Variants in NLRC5 observed in about 807,000 individuals in gnomAD.
NLRC5 encodes the protein NLR family CARD domain containing 5.
NLRC5 carries 114 observed loss-of-function variants against 206.9 expected under a neutral mutation model. That is an observed-to-expected ratio of 0.55 (90% CI 0.47 to 0.64). The LOEUF (loss-of-function observed/expected upper bound fraction) is 0.64. Ranked by LOEUF, NLRC5 falls within the 30% of genes least tolerant of loss-of-function variation. NLRC5 has a pLI of 0.00. For missense variants in NLRC5, 2,008 were observed against 2,305.5 expected, an observed-to-expected ratio of 0.87 and a Z score of 2.64; for synonymous variants, 952 against 962.8, an observed-to-expected ratio of 0.99 and a Z score of 0.21.
At chr16:57,069,025 T>C (rs2067355230) in intron 36 of NLRC5, among the ~76,000 whole-genome samples, 1 of 152,250 alleles carries the variant, frequency 6.6e-6, no homozygotes, top group Non-Finnish European at 1.5e-5. Flanking sequence ...ACATGATGTG[T>C]CAGAGTCCTC....
Position 57,079,554 on chromosome 16 carries a change from C to T in NLRC5, c.5246C>T (p.Ser1749Phe), listed in dbSNP as rs2068870830. The change falls in exon 46 of 49, where the codon TCC (serine) becomes TTC (phenylalanine). Residue 1749 changes from serine to phenylalanine, a missense_variant. Coordinates refer to ENST00000688547, the MANE Select transcript of NLRC5 (RefSeq NM_001384950.1). ...CCCTTCTCCATCCCCAGCCTGGTTT[C>T]CTGTAAGATTGACAACCAGACTGCC... ...LPLLRQIDLVSCKIDNQTAKL... is the reference protein window; with the variant it reads ...LPLLRQIDLVFCKIDNQTAKL... 1 of 1,613,930 alleles carries T rather than the reference C, an allele frequency of 6.2e-7. No homozygotes were observed. Among genetic ancestry groups the T allele is most frequent in the Non-Finnish European group, 8.5e-7 (1 of 1,179,948 alleles).
chr16:57,082,327 T>C, intron 48 of NLRC5, 90 bp from the exon 49 acceptor site: 1 of 1,020,704 alleles, frequency 9.8e-7, no homozygotes, highest in African/African-American at 1.6e-5. Context: ...GGCACAGCTC[T>C]ACCTTTTTGG....
At chr16:57,001,641 A>T (rs2058271498) in intron 1 of NLRC5, among the ~76,000 whole-genome samples, 1 of 152,072 alleles carries the variant, frequency 6.6e-6, no homozygotes, top group Non-Finnish European at 1.5e-5. Context: ...TAGTAGGTGT[A>T]TATATTTATG....
rs1405385754 is a variant in NLRC5 at position 57,026,057 on chromosome 16, G to A, written c.1114G>A (p.Val372Met). 2 of 1,613,956 alleles carry A rather than the reference G, an allele frequency of 1.2e-6. No individual in the cohort carries two copies. The highest frequency in any genetic ancestry group is 3.3e-5 in the Admixed American group (2 of 60,006). ...VHMLGFDGPR[V>M]EEYVNHFFSA... ...CATGTTGGGCTTTGATGGGCCACGG[G>A]TGGAAGAATATGTGAATCACTTCTT... is the stretch of plus-strand genomic sequence containing the variant. Residue 372 changes from valine to methionine, a missense_variant, in exon 6 of 49, where the codon GTG becomes ATG. Val to Met is a conservative substitution (Grantham distance 21, BLOSUM62 1). Coordinates refer to ENST00000688547, the MANE Select transcript of NLRC5 (RefSeq NM_001384950.1).
At chr16:57,025,066 T>G (rs2061135650) in intron 5 of NLRC5, among the ~76,000 whole-genome samples, 1 of 152,122 alleles carries the variant, frequency 6.6e-6, no homozygotes. Flanking sequence ...CCTCCCCCCA[T>G]CTTACTGAAC....
intron 23 of NLRC5, among the ~76,000 whole-genome samples, chr16:57,050,172 G>T (rs1321181617): frequency 6.6e-6 from 1 of 152,122 alleles, no homozygotes; most frequent in Non-Finnish European, 1.5e-5. Context: ...GTATTTGGGG[G>T]TCTGGTGGGA....
At chr16:57,063,476 C>T (rs777090038) in intron 32 of NLRC5, among the ~76,000 whole-genome samples, 4 of 152,130 alleles carry the variant, frequency 2.6e-5, no homozygotes, top group Non-Finnish European at 4.4e-5. Context: ...TTTGTGTATC[C>T]ACTTATCCAT....
intron 39 of NLRC5, among the ~76,000 whole-genome samples, chr16:57,075,653 T>C (rs2068307994): frequency 6.6e-6 from 1 of 152,206 alleles, no homozygotes; most frequent in Non-Finnish European, 1.5e-5. Context: ...CACTCCCTGC[T>C]GCTAGGATAA....
chr16:57,014,027 T>C, intron 1 of NLRC5: 1 of 335,708 alleles, frequency 3.0e-6, no homozygotes, highest in East Asian at 8.0e-5. Flanking sequence ...TTTAAGTTGC[T>C]TTTCTTCTAA....
At chr16:57,023,732 C>T in intron 4 of NLRC5, 53 bp from the exon 5 acceptor site, 1 of 1,511,312 alleles carries the variant, frequency 6.6e-7, no homozygotes, top group Non-Finnish European at 9.1e-7. Flanking sequence ...TGGGTAACCC[C>T]TCAGCCCAGA....
rs752127191 is a variant in NLRC5 at position 57,026,757 on chromosome 16, G to A, written c.1814G>A (p.Arg605His). 13 of 1,613,914 alleles carry A rather than the reference G, an allele frequency of 8.1e-6. No homozygotes were observed. Among genetic ancestry groups the A allele is most frequent in the Admixed American group, 3.3e-5 (2 of 60,006 alleles). The change falls in exon 6 of 49, where the codon CGC becomes CAC. Residue 605 changes from arginine to histidine, a missense_variant. Coordinates refer to ENST00000688547, the MANE Select transcript of NLRC5 (RefSeq NM_001384950.1). ...VVQVLKKLAT[R>H]KLTGPKVVEL... ...CAGGTGTTGAAGAAGTTGGCCACCC[G>A]CAAGCTCACAGGGCCAAAGGTTGTA... is the stretch of plus-strand genomic sequence containing the variant.
chr16:57,030,828 G>A (rs1355830690), intron 10 of NLRC5, among the ~76,000 whole-genome samples: 3 of 152,226 alleles, frequency 2.0e-5, no homozygotes, highest in African/African-American at 7.2e-5. Flanking sequence ...AAAAAATTCA[G>A]CCGGGCTCAG....
intron 1 of NLRC5, among the ~76,000 whole-genome samples, chr16:57,006,754 T>C (rs1278605349): frequency 6.6e-6 from 1 of 152,094 alleles, no homozygotes; most frequent in Non-Finnish European, 1.5e-5. Context: ...AATTGCTCAG[T>C]GTGATTACAT....
intron 11 of NLRC5, among the ~76,000 whole-genome samples, chr16:57,032,207 A>G (rs1347014894): frequency 6.6e-6 from 1 of 152,020 alleles, no homozygotes; most frequent in African/African-American, 2.4e-5. Context: ...CCAGGTGTTC[A>G]AGACCAGCCT....
Position 57,041,478 on chromosome 16 carries a change from T to C in NLRC5, c.2940-7T>C. 4 of 1,613,570 alleles carry C rather than the reference T, an allele frequency of 2.5e-6. No homozygotes were observed. Among genetic ancestry groups the C allele is most frequent in the Admixed American group, 1.7e-5 (1 of 59,960 alleles). ...GCATGCAGCACTGTGTTTTTGTCCC[T>C]GGGCAGGCTGACACATTGTGGCCTC... On this transcript the variant is annotated splice_polypyrimidine_tract_variant and splice_region_variant and intron_variant, in intron 17 of 48. Transcript: ENST00000688547.
chr16:57,036,472 G>T (rs1376759607), intron 14 of NLRC5, among the ~76,000 whole-genome samples: 1 of 152,062 alleles, frequency 6.6e-6, no homozygotes, highest in Non-Finnish European at 1.5e-5. Context: ...GTGGGGTGGG[G>T]TGTTGCACTG....
At chr16:57,012,340 ATGTATATT>A (rs1317054276) in intron 1 of NLRC5, among the ~76,000 whole-genome samples, 1 of 152,216 alleles carries the variant, frequency 6.6e-6, no homozygotes, top group Non-Finnish European at 1.5e-5. Context: ...TTTTGTGTAG[ATGTATATT>A]TTCATTTCTC....
intron 27 of NLRC5, among the ~76,000 whole-genome samples, chr16:57,056,390 A>G (rs532558026): frequency 6.6e-6 from 1 of 152,114 alleles, no homozygotes; most frequent in East Asian, 1.9e-4. Flanking sequence ...TCCTGGGCTC[A>G]AGCGATCCTC....
intron 9 of NLRC5, 59 bp from the exon 10 acceptor site, chr16:57,029,936 G>C: frequency 6.2e-7 from 1 of 1,609,824 alleles, no homozygotes; most frequent in African/African-American, 1.3e-5. Flanking sequence ...AGGCAAGGAA[G>C]GTCTGGGGCC....
Sources: allele counts gnomAD v4.1 joint callset (sites outside exome capture counted in the v4.1 genomes callset), GRCh38; gene constraint gnomAD v4.1.1; transcripts MANE v1.5; gene names NCBI Gene and HGNC (gene_info 2026-07-23, HGNC 2026-07-21).